The following SRR variants were observed in gnomAD, a reference collection of about 807,000 sequenced individuals.
SRR encodes D-serine ammonia-lyase.
SRR carries 19 observed loss-of-function variants against 32.7 expected under a neutral mutation model. The observed-to-expected ratio is 0.58, with a 90% CI of 0.40 to 0.85. SRR has a LOEUF of 0.85. Ranked by LOEUF, SRR falls within the 40% of genes least tolerant of loss-of-function variation. The pLI is 0.00. For synonymous variants in SRR, 142 were observed against 140.9 expected, an observed-to-expected ratio of 1.01 and a Z score of -0.06; for missense variants, 373 against 404.7, an observed-to-expected ratio of 0.92 and a Z score of 0.67.
At chr17:2,322,033 G>A (rs566198995) in intron 6 of SRR, among the ~76,000 whole-genome samples, 1 of 152,278 alleles carries the variant, frequency 6.6e-6, no homozygotes, top group African/African-American at 2.4e-5. Context: ...CACCCGCCTT[G>A]GCCTCCCAAA....
chr17:2,321,079 T>C (rs576251710), intron 4 of SRR, among the ~76,000 whole-genome samples: 1 of 152,348 alleles, frequency 6.6e-6, no homozygotes, highest in East Asian at 1.9e-4. Context: ...ATAAATTCCT[T>C]CATTTTACTC....
At chr17:2,306,680 G>T in intron 1 of SRR, 1 of 460,884 alleles carries the variant, frequency 2.2e-6, no homozygotes, top group Non-Finnish European at 3.9e-6. Context: ...TCACGCCACT[G>T]CACTCCAGCC....
At chr17:2,318,132 A>G (rs185140341) in intron 3 of SRR, 136 bp downstream of exon 3, 19 of 1,073,752 alleles carry the variant, frequency 1.8e-5, no homozygotes, top group East Asian at 1.1e-4. Context: ...CAATATGAAC[A>G]TAAGTTTTTT....
In SRR at chr17:2,321,344, A is replaced by C; in HGVS notation, c.438A>C (p.Thr146=). ...TTGCAAAAAGAGTTACAGAAGAAAC[A>C]GAAGGCATCATGGTACATCCCAACC... ...ENVAKRVTEE[T]EGIMVHPNQE... Residue 146 remains threonine (T), a synonymous_variant, in exon 5 of 8, where the codon ACA becomes ACC. Coordinates refer to ENST00000344595, the MANE Select transcript of SRR (RefSeq NM_021947.3). The C allele has an allele frequency of 6.2e-7, 1 of 1,613,670 alleles. No individual in the cohort carries two copies. The highest frequency in any genetic ancestry group is 8.5e-7 in the Non-Finnish European group (1 of 1,179,896).
Position 2,325,125 on chromosome 17 carries a change from A to C in SRR, c.*1252A>C. The C allele has an allele frequency of 1.7e-6, 1 of 606,042 alleles. No individual in the cohort carries two copies. Among genetic ancestry groups the C allele is most frequent in the Non-Finnish European group, 2.8e-6 (1 of 356,300 alleles). 37.5% of individuals were successfully genotyped at this position (606,042 alleles called of 1,614,324 possible). On this transcript the variant is annotated 3_prime_UTR_variant, in exon 8 of 8. Transcript: ENST00000344595. ...TTGAGGACTGGCTATACACTGTTTC[A>C]CGTAAAAGTTGGAGTTTTCATTGTT...
At chr17:2,309,569 C>A (rs1446739345) in intron 1 of SRR, among the ~76,000 whole-genome samples, 27 of 152,208 alleles carry the variant, frequency 1.8e-4, no homozygotes, top group Non-Finnish European at 7.3e-5. Flanking sequence ...CCAGTTCCCA[C>A]TAATGTTCCT....
In SRR at chr17:2,316,973, C is replaced by T. The variant is rs1597264554; in HGVS notation, c.169-897C>T. 3.3e-5 allele frequency among the ~76,000 whole-genome samples: 5 copies of T among 150,204 alleles called. 1 individual carries two copies. In the East Asian group the frequency reaches 8.1e-4, roughly 24 times the overall value. On this transcript the variant is annotated intron_variant, in intron 2 of 7. Coordinates refer to ENST00000344595, the MANE Select transcript of SRR (RefSeq NM_021947.3). ...ATCTGACCTTGTGATCCGCCCGCCT[C>T]TGCCTCCCAAAGTGCTGGGATTACT...
chr17:2,319,818 CTT>C (rs1213593987), intron 4 of SRR, among the ~76,000 whole-genome samples: 72 of 107,584 alleles, frequency 6.7e-4, no homozygotes, highest in African/African-American at 2.1e-3. Flanking sequence ...GAACTTGTCT[CTT>C]CTTTTTTTTT....
At chr17:2,307,414 G>A in intron 1 of SRR, 3 of 1,244,794 alleles carry the variant, frequency 2.4e-6, no homozygotes, top group Non-Finnish European at 1.2e-6. Context: ...CTTTGGTTGT[G>A]AAGGAAATTT....
Position 2,317,996 on chromosome 17 carries a change from G to A in SRR, c.295G>A (p.Gly99Arg), listed in dbSNP as rs759690490. 1.2e-6 allele frequency: 2 copies of A among 1,611,280 alleles called. No homozygotes were observed. Among genetic ancestry groups the A allele is most frequent in the Non-Finnish European group, 1.7e-6 (2 of 1,178,554 alleles). ...QALTYAAKLE[G>R]IPAYIVVPQT... is the part of the protein sequence containing the mutation. The stretch of plus-strand genomic sequence containing the variant: ...TCTCACCTATGCTGCCAAATTGGAA[G>A]GTACTTGATTTCTCAAGGTACTGGG... Residue 99 changes from glycine to arginine, a missense_variant and splice_region_variant, in exon 3 of 8, where the codon GGA (glycine) becomes AGA (arginine). Physicochemically the swap from Gly to Arg is moderately radical, Grantham distance 125. Coordinates refer to ENST00000344595, the MANE Select transcript of SRR (RefSeq NM_021947.3).
In SRR at chr17:2,321,268, A is replaced by G. The variant is rs766906039; in HGVS notation, c.400-38A>G. The G allele has an allele frequency of 5.0e-6, 8 of 1,607,300 alleles. No homozygotes were observed. The South Asian group carries it at 9.0e-5, about 18-fold the overall frequency. On this transcript the variant is annotated intron_variant, in intron 4 of 7. Transcript: ENST00000344595. ...AATGGAACTTGTTGGGGACTCTATT[A>G]AATACAAATCAATTAAGCTAAATTA...
At position 2,324,410 on chromosome 17, in the gene SRR, A is replaced by C. The variant is rs753229621; in HGVS notation, c.*537A>C. The C allele has an allele frequency of 6.3e-7, 1 of 1,599,956 alleles. No individual in the cohort carries two copies. The highest frequency in any genetic ancestry group is 8.5e-7 in the Non-Finnish European group (1 of 1,173,870). Reference sequence around the variant, plus strand: ...ATCAGAACAAGTCGGTCAAATTAAAAGTAGAAAATTTTAAAGCAATGACTT... The same window carrying C: ...ATCAGAACAAGTCGGTCAAATTAAACGTAGAAAATTTTAAAGCAATGACTT... On this transcript the variant is annotated 3_prime_UTR_variant, in exon 8 of 8. Transcript: ENST00000344595.
Position 2,324,377 on chromosome 17 carries a change from A to G in SRR, c.*504A>G. ...GCATTTCATGTGGCCATGGGTACCT[A>G]GAAAGACATCAGAACAAGTCGGTCA... On this transcript the variant is annotated 3_prime_UTR_variant, in exon 8 of 8. Coordinates refer to ENST00000344595, the MANE Select transcript of SRR (RefSeq NM_021947.3). 1 of 1,577,906 alleles carries G rather than the reference A, an allele frequency of 6.3e-7. No individual in the cohort carries two copies. Among genetic ancestry groups the G allele is most frequent in the Non-Finnish European group, 8.6e-7 (1 of 1,163,826 alleles).
At position 2,321,619 on chromosome 17, in the gene SRR, G is replaced by A. The variant is rs1189932608; in HGVS notation, c.594+3G>A. 3.7e-6 allele frequency: 6 copies of A among 1,613,776 alleles called. No individual in the cohort carries two copies. The highest frequency in any genetic ancestry group is 5.1e-6 in the Non-Finnish European group (6 of 1,179,896). On this transcript the variant is annotated splice_donor_region_variant and intron_variant, in intron 6 of 7. Transcript: ENST00000344595. The stretch of plus-strand genomic sequence containing the variant: ...CTGGAATAGCAATTACAGTTAAGGT[G>A]AGCAGCTTCTGGAGGATTCCCTGCT...
chr17:2,312,112 A>T (rs566226614), intron 1 of SRR, among the ~76,000 whole-genome samples: 1 of 150,784 alleles, frequency 6.6e-6, no homozygotes, highest in South Asian at 2.2e-4. Flanking sequence ...GGTACTTGGG[A>T]GGCTGAGGCG....
chr17:2,318,042 GA>G (rs2075492017), intron 3 of SRR, 46 bp downstream of exon 3: 1 of 1,520,328 alleles, frequency 6.6e-7, no homozygotes, highest in Non-Finnish European at 8.9e-7. Context: ...GAAAGGAGTG[GA>G]AAAGTGCCCT....
chr17:2,310,544 A>T (rs140409504), intron 1 of SRR, among the ~76,000 whole-genome samples: 5 of 151,620 alleles, frequency 3.3e-5, no homozygotes, highest in Non-Finnish European at 5.9e-5. Flanking sequence ...AAAAATATTG[A>T]GACTTCAGGC....
chr17:2,319,752 C>G (rs767882398), intron 4 of SRR, among the ~76,000 whole-genome samples: 16 of 152,164 alleles, frequency 1.1e-4, no homozygotes, highest in Non-Finnish European at 2.1e-4. Flanking sequence ...CTGCATCCAC[C>G]CTTGCCACAC....
upstream of SRR, chr17:2,303,793 C>T (rs2075347635): frequency 7.8e-7 from 1 of 1,278,382 alleles, no homozygotes; most frequent in South Asian, 1.4e-5. Flanking sequence ...CACAGACGGG[C>T]GGCGCGCGCG....
Sources: allele counts gnomAD v4.1 joint callset (sites outside exome capture counted in the v4.1 genomes callset), GRCh38; gene constraint gnomAD v4.1.1; transcripts MANE v1.5; gene names NCBI Gene and HGNC (gene_info 2026-07-23, HGNC 2026-07-21).